The following NFILZ variants were observed in gnomAD, a reference collection of about 807,000 sequenced individuals.
The protein encoded by NFILZ is NFIL3 like basic leucine zipper.
intron 3 of NFILZ, among the ~76,000 whole-genome samples, chr19:8,673,517 G>C (rs898480608): frequency 5.3e-5 from 8 of 152,198 alleles, no homozygotes; most frequent in Non-Finnish European, 1.2e-4. Context: ...AGTGGCAACA[G>C]GTGGGGAGGT....
chr19:8,648,142 C>T (rs2042950219), intron 3 of NFILZ, among the ~76,000 whole-genome samples: 1 of 137,370 alleles, frequency 7.3e-6, no homozygotes, highest in Non-Finnish European at 1.5e-5. Flanking sequence ...CCACTGTACT[C>T]CAACCTGGGC....
intron 3 of NFILZ, among the ~76,000 whole-genome samples, chr19:8,673,018 G>C (rs2043095501): frequency 6.6e-6 from 1 of 152,112 alleles, no homozygotes; most frequent in Non-Finnish European, 1.5e-5. Context: ...GCTTGGGCGG[G>C]GACCAGGGCT....
At chr19:8,639,975 A>G (rs978226580) in intron 3 of NFILZ, among the ~76,000 whole-genome samples, 2 of 152,138 alleles carry the variant, frequency 1.3e-5, no homozygotes, top group Non-Finnish European at 2.9e-5. Flanking sequence ...GCTCTTTTGT[A>G]TAACAGATGT....
chr19:8,644,164 G>A (rs1160230675), intron 3 of NFILZ, among the ~76,000 whole-genome samples: 1 of 152,128 alleles, frequency 6.6e-6, no homozygotes, highest in Non-Finnish European at 1.5e-5. Context: ...GCAGTGGTAT[G>A]GTCTTGGCTC....
intron 3 of NFILZ, among the ~76,000 whole-genome samples, chr19:8,666,341 T>G (rs1221037705): frequency 4.0e-5 from 6 of 151,852 alleles, no homozygotes; most frequent in African/African-American, 1.5e-4. Flanking sequence ...GCTTCATTTT[T>G]TTTTTTGATT....
intron 3 of NFILZ, among the ~76,000 whole-genome samples, chr19:8,653,479 C>G (rs935585900): frequency 5.3e-5 from 8 of 152,102 alleles, no homozygotes; most frequent in Admixed American, 3.9e-4. Context: ...CAGCTGGTGT[C>G]AAATACACCA....
chr19:8,647,582 C>CG (rs1386380299), intron 3 of NFILZ, among the ~76,000 whole-genome samples: 3 of 147,978 alleles, frequency 2.0e-5, no homozygotes, highest in Non-Finnish European at 3.0e-5. Flanking sequence ...CCGCACCCCC[C>CG]CCCCCAAAAA....
At chr19:8,664,923 C>T (rs1311964429) in intron 3 of NFILZ, among the ~76,000 whole-genome samples, 1 of 152,112 alleles carries the variant, frequency 6.6e-6, no homozygotes, top group East Asian at 1.9e-4. Context: ...TCAAGGCAAC[C>T]TTGCTTGGTT....
At chr19:8,643,411 A>G (rs1411702542) in intron 3 of NFILZ, among the ~76,000 whole-genome samples, 1 of 152,180 alleles carries the variant, frequency 6.6e-6, no homozygotes, top group Non-Finnish European at 1.5e-5. Flanking sequence ...TGTCAACTTG[A>G]CTGGGCCATA....
At chr19:8,634,442 C>T (rs533079352) in intron 2 of NFILZ, among the ~76,000 whole-genome samples, 1 of 152,196 alleles carries the variant, frequency 6.6e-6, no homozygotes, top group Non-Finnish European at 1.5e-5. Context: ...CATGCCGTGA[C>T]ACCCAGCTAA....
intron 3 of NFILZ, among the ~76,000 whole-genome samples, chr19:8,649,121 C>G (rs1555747478): frequency 6.6e-6 from 1 of 151,826 alleles, no homozygotes; most frequent in Non-Finnish European, 1.5e-5. Context: ...CACCACCACA[C>G]CTGGCTGACT....
chr19:8,663,027 A>C (rs531467270), intron 3 of NFILZ, among the ~76,000 whole-genome samples: 61 of 151,032 alleles, frequency 4.0e-4, no homozygotes, highest in Non-Finnish European at 7.5e-4. Context: ...AGCAGACTGC[A>C]ACCTTGACCT....
At chr19:8,642,976 G>A (rs1162190565) in intron 3 of NFILZ, among the ~76,000 whole-genome samples, 8 of 146,742 alleles carry the variant, frequency 5.5e-5, no homozygotes, top group Non-Finnish European at 1.2e-4. Context: ...TTGAGACAGG[G>A]TATCTCCCTG....
intron 4 of NFILZ, among the ~76,000 whole-genome samples, chr19:8,676,104 T>G (rs749545288): frequency 2.2e-3 from 328 of 152,124 alleles, no homozygotes; most frequent in Non-Finnish European, 4.0e-3. Context: ...AGTGAGTGAA[T>G]GAATGGATAA....
chr19:8,641,240 T>G (rs114590981), intron 3 of NFILZ, among the ~76,000 whole-genome samples: 1,561 of 151,664 alleles, frequency 0.01, 27 homozygotes, highest in African/African-American at 0.036. Context: ...TTTGTAGAGA[T>G]GGGGTCTCCT....
intron 3 of NFILZ, among the ~76,000 whole-genome samples, chr19:8,663,722 T>TTGTGTGTGTGTGTGTGTGTGTGTGTGTA (rs2043044558): frequency 9.2e-4 from 10 of 10,814 alleles, no homozygotes; most frequent in African/African-American, 3.1e-3. Context: ...GTGTGTGTGT[T>TTGTGTGTGTGTGTGTGTGTGTGTGTGTA]TGTGTGTGTG....
intron 3 of NFILZ, among the ~76,000 whole-genome samples, chr19:8,669,378 C>A (rs895475474): frequency 1.3e-5 from 2 of 152,146 alleles, no homozygotes; most frequent in East Asian, 3.9e-4. Flanking sequence ...CTATTATTCC[C>A]CTTTTGCAGA....
intron 3 of NFILZ, among the ~76,000 whole-genome samples, chr19:8,647,783 G>GCACACA (rs1555747261): frequency 2.4e-5 from 1 of 40,832 alleles, no homozygotes; most frequent in African/African-American, 8.8e-5. Flanking sequence ...ACACATGCGC[G>GCACACA]CGCGCGCGCG....
In NFILZ at chr19:8,677,203, T is replaced by G. The variant is rs2043114648; in HGVS notation, c.438T>G (p.Asp146Glu). The G allele has an allele frequency of 6.5e-6, 1 of 153,016 alleles. No homozygotes were observed. The highest frequency in any genetic ancestry group is 1.5e-5 in the Non-Finnish European group (1 of 68,664). The allele number at this position is 153,016 out of a possible 1,614,324, so 9.5% of individuals were successfully genotyped here. A position where few individuals can be genotyped will look rare whatever the true frequency, so the allele number is the denominator to read the frequency against. The change falls in exon 6 of 6, where the codon GAT (aspartate) becomes GAG (glutamate). Residue 146 changes from aspartate (D) to glutamate (E), a missense_variant. Asp to Glu is a conservative substitution (Grantham distance 45). Transcript: ENST00000691075. Reference protein sequence around the residue: ...HSCLLRPRSLDAGIPGCRGCL... With the variant: ...HSCLLRPRSLEAGIPGCRGCL... Reference sequence around the variant, plus strand: ...GCCTCTTAAGGCCACGTTCCCTGGATGCTGGGATTCCAGGATGTCGGGGCT... The same window carrying G: ...GCCTCTTAAGGCCACGTTCCCTGGAGGCTGGGATTCCAGGATGTCGGGGCT...
Sources: allele counts gnomAD v4.1 joint callset (sites outside exome capture counted in the v4.1 genomes callset), GRCh38; gene constraint gnomAD v4.1.1; transcripts MANE v1.5; gene names NCBI Gene and HGNC (gene_info 2026-07-23, HGNC 2026-07-21).